Variants in GABBR2 observed in about 807,000 individuals in gnomAD.
GABBR2 encodes G-protein coupled receptor 51.
A neutral mutation model predicts 105.6 loss-of-function variants in GABBR2; 23 were observed. That is an observed-to-expected ratio of 0.22 (90% CI 0.16 to 0.31). The LOEUF is 0.31. GABBR2 is among the 10% of genes least tolerant of loss of function. The pLI, the probability that GABBR2 is intolerant of heterozygous loss-of-function variation, is 1.00. For missense variants in GABBR2, 734 were observed against 1,245.5 expected (o/e 0.59, Z 6.18); for synonymous variants, 478 against 499.7 (o/e 0.96, Z 0.58).
chr9:98,587,170 T>A (rs923382517), intron 1 of GABBR2, among the ~76,000 whole-genome samples: 3 of 152,238 alleles, frequency 2.0e-5, no homozygotes, highest in African/African-American at 7.2e-5. Flanking sequence ...CATCTTTTCA[T>A]ATGCTTATAG....
chr9:98,321,137 T>C (rs28420974), intron 13 of GABBR2, among the ~76,000 whole-genome samples: 23,382 of 151,980 alleles, frequency 0.15, 2,382 homozygotes, highest in African/African-American at 0.28. Flanking sequence ...TTCCCAGGAC[T>C]CGGCCCTGGG....
At chr9:98,497,172 C>T (rs1038807443) in intron 3 of GABBR2, among the ~76,000 whole-genome samples, 3 of 152,136 alleles carry the variant, frequency 2.0e-5, no homozygotes, top group Non-Finnish European at 2.9e-5. Flanking sequence ...GAGGCCAAGA[C>T]GGGGGGCTTG....
chr9:98,486,293 T>C (rs1827046214), intron 4 of GABBR2, among the ~76,000 whole-genome samples: 1 of 152,236 alleles, frequency 6.6e-6, no homozygotes, highest in African/African-American at 2.4e-5. Context: ...TCTGAGCTGC[T>C]GGAGCTCAGC....
chr9:98,514,547 G>A (rs1252586456), intron 3 of GABBR2, among the ~76,000 whole-genome samples: 1 of 148,754 alleles, frequency 6.7e-6, no homozygotes, highest in African/African-American at 2.5e-5. Flanking sequence ...ACTATCGCAA[G>A]GACAAAAAAA....
chr9:98,336,604 C>T (rs543533647), intron 13 of GABBR2, among the ~76,000 whole-genome samples: 1 of 152,178 alleles, frequency 6.6e-6, no homozygotes, highest in Admixed American at 6.5e-5. Flanking sequence ...ACTCGGGAGG[C>T]TGAGGCAGGA....
intron 17 of GABBR2, among the ~76,000 whole-genome samples, chr9:98,297,859 TA>T (rs145636576): frequency 0.072 from 10,015 of 139,174 alleles, 440 homozygotes; most frequent in East Asian, 0.19. Flanking sequence ...CTGTCTCTAC[TA>T]AAAAAAAAAA....
At chr9:98,624,417 A>G (rs915354567) in intron 1 of GABBR2, among the ~76,000 whole-genome samples, 1 of 152,182 alleles carries the variant, frequency 6.6e-6, no homozygotes, top group African/African-American at 2.4e-5. Flanking sequence ...AGAGGTGGAT[A>G]TATTTTGGCC....
chr9:98,490,472 A>T (rs1215906122), intron 4 of GABBR2, among the ~76,000 whole-genome samples: 2 of 152,082 alleles, frequency 1.3e-5, no homozygotes, highest in Non-Finnish European at 2.9e-5. Context: ...CATTCATTTG[A>T]TTTCTGTGGC....
chr9:98,542,447 A>G (rs1397606123), intron 2 of GABBR2, among the ~76,000 whole-genome samples: 1 of 152,222 alleles, frequency 6.6e-6, no homozygotes, highest in Non-Finnish European at 1.5e-5. Context: ...TAGCTGCACA[A>G]TATTCCAGCA....
At chr9:98,627,907 A>G (rs1365065340) in intron 1 of GABBR2, among the ~76,000 whole-genome samples, 1 of 152,226 alleles carries the variant, frequency 6.6e-6, no homozygotes, top group African/African-American at 2.4e-5. Flanking sequence ...CAGAGCCTGG[A>G]GTCTTAAATT....
intron 1 of GABBR2, among the ~76,000 whole-genome samples, chr9:98,599,483 CAA>C (rs1365024095): frequency 1.3e-5 from 2 of 152,200 alleles, no homozygotes; most frequent in Non-Finnish European, 2.9e-5. Flanking sequence ...GAAAACAAAA[CAA>C]AACCTCTCAA....
intron 2 of GABBR2, among the ~76,000 whole-genome samples, chr9:98,561,142 G>T (rs1457321786): frequency 6.6e-6 from 1 of 151,856 alleles, no homozygotes; most frequent in African/African-American, 2.4e-5. Context: ...GCTTTATATG[G>T]TTTTTCTTAT....
At chr9:98,560,844 G>A (rs1478632044) in intron 2 of GABBR2, among the ~76,000 whole-genome samples, 1 of 150,004 alleles carries the variant, frequency 6.7e-6, no homozygotes, top group Non-Finnish European at 1.5e-5. Context: ...ACTTAATGAT[G>A]TTTTTGAAGC....
At chr9:98,432,594 C>T (rs1183582997) in intron 7 of GABBR2, among the ~76,000 whole-genome samples, 1 of 152,188 alleles carries the variant, frequency 6.6e-6, no homozygotes, top group African/African-American at 2.4e-5. Flanking sequence ...TCAGTTTCCT[C>T]TTCTATAAGA....
chr9:98,377,426 G>A (rs1451191927), intron 11 of GABBR2, among the ~76,000 whole-genome samples: 3 of 152,152 alleles, frequency 2.0e-5, no homozygotes, highest in African/African-American at 7.2e-5. Context: ...TCACTCAGAG[G>A]GGTCCCTTAT....
intron 13 of GABBR2, among the ~76,000 whole-genome samples, chr9:98,345,487 G>A (rs1249903914): frequency 6.6e-6 from 1 of 152,128 alleles, no homozygotes; most frequent in African/African-American, 2.4e-5. Context: ...GAAAAGAAAA[G>A]ATACATTAAC....
chr9:98,473,756 C>T (rs1009278), intron 5 of GABBR2, among the ~76,000 whole-genome samples: 4,791 of 152,186 alleles, frequency 0.031, 232 homozygotes, highest in African/African-American at 0.11. Flanking sequence ...CATACCAGAT[C>T]TTTGGGGAAA....
intron 1 of GABBR2, among the ~76,000 whole-genome samples, chr9:98,685,045 T>C (rs1277820225): frequency 1.3e-5 from 2 of 152,188 alleles, no homozygotes; most frequent in Non-Finnish European, 2.9e-5. Context: ...GTCAGTGAAC[T>C]AGGAGATGCA....
chr9:98,607,056 T>C, intron 1 of GABBR2: 19 of 1,410,500 alleles, frequency 1.3e-5, no homozygotes, highest in Non-Finnish European at 1.9e-5. Context: ...AAACCAAGTA[T>C]ACAGAAAATC....
Sources: allele counts gnomAD v4.1 joint callset (sites outside exome capture counted in the v4.1 genomes callset), GRCh38; gene constraint gnomAD v4.1.1; transcripts MANE v1.5; gene names NCBI Gene and HGNC (gene_info 2026-07-23, HGNC 2026-07-21).